The following ALPL variants were observed in gnomAD, a reference collection of about 807,000 sequenced individuals.
ALPL encodes the protein alkaline phosphatase, tissue-nonspecific isozyme.
Under a neutral mutation model 51.3 loss-of-function variants are expected in ALPL, and 42 were observed. That is an observed-to-expected ratio of 0.82 (90% CI 0.64 to 1.06). The LOEUF (loss-of-function observed/expected upper bound fraction) is 1.06. Among genes scored for constraint, ALPL ranks in the 50% least tolerant of loss-of-function variants. The pLI is 0.00. For synonymous variants in ALPL, 279 were observed against 296.4 expected (o/e 0.94, Z 0.60); for missense variants, 589 against 709.4 (o/e 0.83, Z 1.93).
At chr1:21,520,885 G>A (rs1643876716) in intron 1 of ALPL, among the ~76,000 whole-genome samples, 1 of 152,224 alleles carries the variant, frequency 6.6e-6, no homozygotes, top group East Asian at 1.9e-4. Context: ...GGTAAAACCA[G>A]GCCTCAAACT....
At chr1:21,550,597 T>C (rs1346991283) in intron 1 of ALPL, among the ~76,000 whole-genome samples, 1 of 152,110 alleles carries the variant, frequency 6.6e-6, no homozygotes, top group African/African-American at 2.4e-5. Context: ...GAAAAATGTG[T>C]GTATCATACA....
chr1:21,578,033 A>C lies in ALPL; in HGVS notation c.*385A>C. ...CTGACCCTCCCAGTCTCATCTCCTG[A>C]CCCTCCCACTCCCATCTCCTTACCT... On this transcript the variant is annotated 3_prime_UTR_variant, in exon 12 of 12. Transcript: ENST00000374840. This position sits in a 1 kb window ranked among gnomAD's most constrained non-coding sequence, Gnocchi z 4.2. 5 of 287,072 alleles carry C rather than the reference A, an allele frequency of 1.7e-5. No homozygotes were observed. The highest frequency in any genetic ancestry group is 7.7e-5 in the East Asian group (1 of 12,982). 17.8% of individuals were successfully genotyped at this position (287,072 alleles called of 1,614,324 possible). A position where few individuals can be genotyped will look rare whatever the true frequency, so the allele number is the denominator to read the frequency against.
chr1:21,542,152 C>T (rs1009594223), intron 1 of ALPL, among the ~76,000 whole-genome samples: 1 of 152,312 alleles, frequency 6.6e-6, no homozygotes, highest in East Asian at 1.9e-4. Context: ...ATTCCATGTC[C>T]CTTCCCTATG....
At chr1:21,544,156 G>A (rs1197965964) in intron 1 of ALPL, among the ~76,000 whole-genome samples, 1 of 152,240 alleles carries the variant, frequency 6.6e-6, no homozygotes, top group Non-Finnish European at 1.5e-5. Context: ...GGACACAGCA[G>A]GTCAGGTGTG....
chr1:21,537,142 C>T (rs555484792), intron 1 of ALPL, among the ~76,000 whole-genome samples: 3 of 152,204 alleles, frequency 2.0e-5, no homozygotes, highest in African/African-American at 4.8e-5. Context: ...GTGATCTGCC[C>T]GCCTCGGCCT....
chr1:21,565,073 C>T (rs575613684), intron 6 of ALPL, among the ~76,000 whole-genome samples: 10 of 152,208 alleles, frequency 6.6e-5, no homozygotes, highest in South Asian at 2.1e-4. Context: ...AATGGGGATT[C>T]GGTGAGGGGC....
chr1:21,578,037 T>C lies in ALPL; in HGVS notation c.*389T>C. ...CCCTCCCAGTCTCATCTCCTGACCC[T>C]CCCACTCCCATCTCCTTACCTCTGG... On this transcript the variant is annotated 3_prime_UTR_variant, in exon 12 of 12. Coordinates refer to ENST00000374840, the MANE Select transcript of ALPL (RefSeq NM_000478.6). The surrounding 1 kb of genome is among the most constrained non-coding windows in gnomAD (Gnocchi z 4.2). The C allele has an allele frequency of 3.5e-6, 1 of 286,012 alleles. No individual in the cohort carries two copies. The highest frequency in any genetic ancestry group is 6.7e-6 in the Non-Finnish European group (1 of 148,936). The allele number at this position is 286,012 out of a possible 1,614,324, so 17.7% of individuals were successfully genotyped here. A position where few individuals can be genotyped will look rare whatever the true frequency, so the allele number is the denominator to read the frequency against.
At chr1:21,553,892 A>G (rs1644364087) in intron 1 of ALPL, 86 bp from the exon 2 acceptor site, 1 of 637,586 alleles carries the variant, frequency 1.6e-6, no homozygotes, top group South Asian at 1.7e-5. Context: ...TACTTGTTGA[A>G]TGAATCAAGG....
chr1:21,511,526 G>A (rs1268947331), intron 1 of ALPL, among the ~76,000 whole-genome samples: 1 of 152,222 alleles, frequency 6.6e-6, no homozygotes. Context: ...TGGAAGTTGG[G>A]TTATGTGCCT....
intron 1 of ALPL, among the ~76,000 whole-genome samples, chr1:21,541,412 G>A (rs1644182531): frequency 6.6e-6 from 1 of 152,202 alleles, no homozygotes; most frequent in Non-Finnish European, 1.5e-5. Flanking sequence ...CAGAATCCAG[G>A]CAGCCTGGCT....
In ALPL at chr1:21,577,623, TCTACCCCCTGAGCGTC is replaced by T. The variant is rs772638759; in HGVS notation, c.1553_1568del (p.Tyr518CysfsTer83). The T allele has an allele frequency of 2.8e-5, 45 of 1,599,082 alleles. No homozygotes were observed. Among genetic ancestry groups the T allele is most frequent in the Non-Finnish European group, 3.6e-5 (42 of 1,179,420 alleles). On this transcript the variant is annotated frameshift_variant, in exon 12 of 12. Coordinates refer to ENST00000374840, the MANE Select transcript of ALPL (RefSeq NM_000478.6). LOFTEE classifies it high-confidence loss of function. ...GGCCCCCTGCTGCTCGCGCTGGCCC[TCTACCCCCTGAGCGTC>T]CTGTTCTGAGGGCCCAGGGCCCGGG... is the stretch of plus-strand genomic sequence containing the variant.
At chr1:21,529,152 C>T (rs1643995917) in intron 1 of ALPL, among the ~76,000 whole-genome samples, 1 of 151,716 alleles carries the variant, frequency 6.6e-6, no homozygotes, top group Admixed American at 6.6e-5. Flanking sequence ...ATATTTTCTT[C>T]TAGAAGCTTT....
chr1:21,557,542 A>G (rs1415813804), intron 2 of ALPL, among the ~76,000 whole-genome samples: 1 of 152,256 alleles, frequency 6.6e-6, no homozygotes, highest in Non-Finnish European at 1.5e-5. Context: ...GAAAAGGGAA[A>G]AGGTGAAAAA....
chr1:21,575,672 G>T (rs1570304071), intron 9 of ALPL, 61 bp from the exon 10 acceptor site: 1 of 1,596,274 alleles, frequency 6.3e-7, no homozygotes, highest in Admixed American at 1.7e-5. Flanking sequence ...GTGTTGTGGG[G>T]CTGGGGAGCA....
intron 1 of ALPL, among the ~76,000 whole-genome samples, chr1:21,553,663 AAC>A (rs1224939253): frequency 3.3e-5 from 5 of 152,232 alleles, no homozygotes; most frequent in Non-Finnish European, 7.3e-5. Flanking sequence ...CAGTTTGAGA[AAC>A]ACTGCACCAA....
rs1367217448 is a variant in ALPL, at chr1:21,553,966, T to G, written c.-104-12T>G. The G allele has an allele frequency of 1.1e-6, 1 of 904,572 alleles. No homozygotes were observed. The highest frequency in any genetic ancestry group is 2.4e-5 in the East Asian group (1 of 41,370). 56.0% of individuals were successfully genotyped at this position (904,572 alleles called of 1,614,324 possible). On this transcript the variant is annotated splice_polypyrimidine_tract_variant and intron_variant, in intron 1 of 11. Coordinates refer to ENST00000374840, the MANE Select transcript of ALPL (RefSeq NM_000478.6). ...CCCCACATGCCTCTTTTTCTCTTTT[T>G]TTAATTTCTAGGATTGGAACATCAG... is the stretch of plus-strand genomic sequence containing the variant.
chr1:21,514,768 C>T (rs1643762193), intron 1 of ALPL, among the ~76,000 whole-genome samples: 1 of 152,172 alleles, frequency 6.6e-6, no homozygotes, highest in South Asian at 2.1e-4. Flanking sequence ...GAAATGTGCC[C>T]TGTGTGGGAA....
At chr1:21,521,383 T>C (rs1488272406) in intron 1 of ALPL, among the ~76,000 whole-genome samples, 1 of 152,080 alleles carries the variant, frequency 6.6e-6, no homozygotes, top group Non-Finnish European at 1.5e-5. Context: ...CAGGGTTTCA[T>C]CATGTTGGCC....
At chr1:21,518,982 G>A (rs1191944202) in intron 1 of ALPL, among the ~76,000 whole-genome samples, 1 of 152,348 alleles carries the variant, frequency 6.6e-6, no homozygotes, top group African/African-American at 2.4e-5. Flanking sequence ...CATCTGACTA[G>A]AGAGCCTGTC....
Sources: gnomAD v4.1 joint callset for allele counts (sites outside exome capture counted in the v4.1 genomes callset) on GRCh38, gnomAD v4.1.1 for gene constraint, Gnocchi (gnomAD v3.1) non-coding constraint, MANE v1.5 for transcripts, NCBI Gene and HGNC (gene_info 2026-07-23, HGNC 2026-07-21) for gene names.